The following PRKN variants were observed in gnomAD, a reference collection of about 807,000 sequenced individuals.
PRKN encodes parkin RBR E3 ubiquitin protein ligase, also known as E3 ubiquitin-protein ligase parkin.
A neutral mutation model predicts 59.5 loss-of-function variants in PRKN; 56 were observed. The ratio of observed to expected loss-of-function variants is 0.94; its 90% confidence interval spans 0.76 to 1.18. PRKN has a LOEUF of 1.18. Among genes scored for constraint, PRKN ranks in the 50% most tolerant of loss-of-function variants. PRKN has a pLI of 0.00. For missense variants in PRKN, 657 were observed against 596.4 expected (o/e 1.10, Z -1.06); for synonymous variants, 250 against 222.1 (o/e 1.13, Z -1.12).
At chr6:161,663,793 C>A (rs1784631343) in intron 7 of PRKN, among the ~76,000 whole-genome samples, 1 of 152,192 alleles carries the variant, frequency 6.6e-6, no homozygotes, top group Admixed American at 6.5e-5. Flanking sequence ...TCCTTCTTTC[C>A]TATGATTCTC....
Position 161,824,773 on chromosome 6 carries a change from T to C in PRKN, c.735-38865A>G, listed in dbSNP as rs189185721. ...TAAGAGAAATAATCATAGGGCCACA[T>C]TGAAAAAAAGATTTAAATGTTTTCC... is the stretch of plus-strand genomic sequence containing the variant. On this transcript the variant is annotated intron_variant, in intron 6 of 11. Transcript: ENST00000366898. 5.8e-3 allele frequency among the ~76,000 whole-genome samples: 878 copies of C among 152,302 alleles called. 3 individuals carry two copies. The highest frequency in any genetic ancestry group is 8.6e-3 in the Non-Finnish European group (585 of 68,008).
rs1554297759 is a variant in PRKN at position 162,304,084 on chromosome 6, G to GGA, written c.172-41320_172-41319insTC. ...GGATATCATTACCTCTGTGAAGGGA[G>GGA]AAAAAAAAAGAAATAGAAGTAATCC... On this transcript the variant is annotated intron_variant, in intron 2 of 11. Transcript: ENST00000366898. Among the ~76,000 whole-genome samples the GGA allele has an allele frequency of 1.4e-5, 2 of 147,370 alleles. 1 individual carries two copies. Among genetic ancestry groups the GGA allele is most frequent in the Non-Finnish European group, 3.0e-5 (2 of 66,668 alleles).
chr6:161,556,847 G>A (rs1780257581), intron 8 of PRKN, among the ~76,000 whole-genome samples: 1 of 152,110 alleles, frequency 6.6e-6, no homozygotes, highest in Non-Finnish European at 1.5e-5. Flanking sequence ...AATCACTCAT[G>A]CATGTTTTGT....
rs1491495272 is a variant in PRKN at position 161,680,776 on chromosome 6, T to TATATTTTG, written c.871+104995_871+104996insCAAAATAT. ...ATATATATATATATATATATATATA[T>TATATTTTG]TTTTTTTTTTTTTTCTTTTCCTAAA... On this transcript the variant is annotated intron_variant, in intron 7 of 11. Transcript: ENST00000366898. Among the ~76,000 whole-genome samples, 11 of 18,944 alleles carry TATATTTTG rather than the reference T, an allele frequency of 5.8e-4. 1 individual carries two copies. The highest frequency in any genetic ancestry group is 4.3e-3 in the Admixed American group (6 of 1,392). 12.4% of individuals were successfully genotyped at this position (18,944 alleles called of 152,430 possible). A position where few individuals can be genotyped will look rare whatever the true frequency, so the allele number is the denominator to read the frequency against.
At chr6:162,618,880 G>C (rs1162826352) in intron 1 of PRKN, among the ~76,000 whole-genome samples, 1 of 152,196 alleles carries the variant, frequency 6.6e-6, no homozygotes, top group African/African-American at 2.4e-5. Flanking sequence ...TTCGCAGTAA[G>C]AGAGCCATAC....
intron 2 of PRKN, among the ~76,000 whole-genome samples, chr6:162,288,219 A>C (rs1781279482): frequency 6.6e-6 from 1 of 152,112 alleles, no homozygotes; most frequent in Non-Finnish European, 1.5e-5. Flanking sequence ...TCCTCATCTT[A>C]AATGTAGCCA....
At chr6:161,905,770 G>A (rs1778119122) in intron 6 of PRKN, among the ~76,000 whole-genome samples, 1 of 151,748 alleles carries the variant, frequency 6.6e-6, no homozygotes. Context: ...AGACCAGCCT[G>A]GCCAACATGG....
intron 3 of PRKN, among the ~76,000 whole-genome samples, chr6:162,202,194 G>C (rs1053779868): frequency 4.6e-5 from 7 of 151,924 alleles, no homozygotes; most frequent in Admixed American, 6.6e-5. Context: ...GGCACCTAGA[G>C]ATAATATATT....
At chr6:162,208,753 C>T (rs1339956547) in intron 3 of PRKN, among the ~76,000 whole-genome samples, 2 of 152,090 alleles carry the variant, frequency 1.3e-5, no homozygotes, top group African/African-American at 2.4e-5. Flanking sequence ...GTTGAATAAA[C>T]TCCATAATAT....
intron 2 of PRKN, among the ~76,000 whole-genome samples, chr6:162,341,393 A>C (rs569103735): frequency 6.7e-4 from 102 of 152,268 alleles, no homozygotes; most frequent in Non-Finnish European, 5.3e-4. Context: ...TTGACCCAGC[A>C]ATCCCATTAC....
intron 6 of PRKN, among the ~76,000 whole-genome samples, chr6:161,877,681 G>A (rs1176124931): frequency 6.6e-6 from 1 of 151,842 alleles, no homozygotes; most frequent in Admixed American, 6.6e-5. Flanking sequence ...TGTTAGCCAG[G>A]ATGGTCTTGA....
intron 2 of PRKN, among the ~76,000 whole-genome samples, chr6:162,271,989 A>T (rs1222728921): frequency 6.6e-6 from 1 of 152,198 alleles, no homozygotes; most frequent in Non-Finnish European, 1.5e-5. Context: ...TGAAAGGTCA[A>T]TTAGCCCCAC....
rs1416297387 is a variant in PRKN, at chr6:161,895,520, C to CT, written c.734+77781_734+77782insA. On this transcript the variant is annotated intron_variant, in intron 6 of 11. Coordinates refer to ENST00000366898, the MANE Select transcript of PRKN (RefSeq NM_004562.3). ...TACGCCCACCCCACCTGCCGTTATG[C>CT]CCCCCAGTGAGGCTTCTGAGATTCA... 1.4e-4 allele frequency among the ~76,000 whole-genome samples: 18 copies of CT among 127,934 alleles called. 4 individuals are homozygous for CT. The highest frequency in any genetic ancestry group is 5.3e-4 in the South Asian group (2 of 3,740). The allele number at this position is 127,934 out of a possible 152,430, so 83.9% of individuals were successfully genotyped here.
intron 4 of PRKN, among the ~76,000 whole-genome samples, chr6:162,117,409 C>T (rs933257941): frequency 1.3e-5 from 2 of 152,212 alleles, no homozygotes; most frequent in Admixed American, 6.5e-5. Flanking sequence ...CGCTGTGGCC[C>T]TTTCCCTGCA....
At chr6:162,608,974 C>T (rs1298425543) in intron 1 of PRKN, among the ~76,000 whole-genome samples, 1 of 152,124 alleles carries the variant, frequency 6.6e-6, no homozygotes, top group Non-Finnish European at 1.5e-5. Flanking sequence ...TGAGCAAAGG[C>T]CTCGCCTCTC....
intron 9 of PRKN, among the ~76,000 whole-genome samples, chr6:161,496,717 A>C (rs555594592): frequency 7.2e-5 from 11 of 152,344 alleles, no homozygotes; most frequent in Admixed American, 6.5e-4. Context: ...AAACCATATC[A>C]TAAGGTCATA....
intron 6 of PRKN, among the ~76,000 whole-genome samples, chr6:161,958,924 T>C (rs1333752032): frequency 6.6e-6 from 1 of 150,496 alleles, no homozygotes; most frequent in African/African-American, 2.4e-5. Flanking sequence ...AATGTGAGAG[T>C]GGTTAGTTTA....
At chr6:161,614,746 C>G (rs1298568875) in intron 7 of PRKN, among the ~76,000 whole-genome samples, 1 of 152,128 alleles carries the variant, frequency 6.6e-6, no homozygotes, top group African/African-American at 2.4e-5. Flanking sequence ...TGACAGGTGG[C>G]AGAAATCAAA....
In PRKN at chr6:162,354,980, A is replaced by C. The variant is rs372702301; in HGVS notation, c.171+88330T>G. On this transcript the variant is annotated intron_variant, in intron 2 of 11. Transcript: ENST00000366898. The stretch of plus-strand genomic sequence containing the variant: ...AGTCAATTAAAAAAATAATATTGTT[A>C]CTCTCACTTAAAAGAATATACATCA... Among the ~76,000 whole-genome samples the C allele has an allele frequency of 2.7e-4, 41 of 152,044 alleles. No individual in the cohort carries two copies. In the South Asian group the frequency reaches 8.3e-3, roughly 31 times the overall value.
Sources: allele counts gnomAD v4.1 joint callset (sites outside exome capture counted in the v4.1 genomes callset), GRCh38; gene constraint gnomAD v4.1.1; transcripts MANE v1.5; gene names NCBI Gene and HGNC (gene_info 2026-07-23, HGNC 2026-07-21).